Variants in FBXL17 observed in about 807,000 individuals in gnomAD.
The protein encoded by FBXL17 is F-box/LRR-repeat protein 17.
FBXL17 carries 22 observed loss-of-function variants against 66.2 expected under a neutral mutation model. That is an observed-to-expected ratio of 0.33 (90% confidence interval 0.24 to 0.47). The LOEUF is 0.47. Among genes scored for constraint, FBXL17 ranks in the 20% least tolerant of loss-of-function variants. The pLI, the probability that FBXL17 is intolerant of heterozygous loss-of-function variation, is 1.00. For synonymous variants in FBXL17, 474 were observed against 400.5 expected, an observed-to-expected ratio of 1.18 and a Z score of -2.19; for missense variants, 878 against 948.2, an observed-to-expected ratio of 0.93 and a Z score of 0.97.
At chr5:108,109,579 T>A (rs1457244601) in intron 6 of FBXL17, among the ~76,000 whole-genome samples, 1 of 152,326 alleles carries the variant, frequency 6.6e-6, no homozygotes, top group East Asian at 1.9e-4. Flanking sequence ...ACATAAAACT[T>A]ATATTTAAAT....
intron 6 of FBXL17, among the ~76,000 whole-genome samples, chr5:108,048,503 C>T (rs1449630329): frequency 6.6e-6 from 1 of 152,146 alleles, no homozygotes; most frequent in Admixed American, 6.5e-5. Flanking sequence ...TAATAAAAAA[C>T]TCTGCTGAGC....
At chr5:108,263,843 A>G (rs1020685533) in intron 4 of FBXL17, among the ~76,000 whole-genome samples, 1 of 152,166 alleles carries the variant, frequency 6.6e-6, no homozygotes, top group African/African-American at 2.4e-5. Flanking sequence ...GAAAGAGAAA[A>G]TTATCCTTAT....
chr5:107,973,342 T>G (rs1752447374), intron 7 of FBXL17, among the ~76,000 whole-genome samples: 1 of 150,806 alleles, frequency 6.6e-6, no homozygotes, highest in Middle Eastern at 3.2e-3. Context: ...TTAAACATGA[T>G]TTTTTTTTGT....
At chr5:108,154,122 C>A (rs900703337) in intron 6 of FBXL17, among the ~76,000 whole-genome samples, 5 of 151,926 alleles carry the variant, frequency 3.3e-5, no homozygotes, top group Non-Finnish European at 5.9e-5. Context: ...TGTGTTCCAC[C>A]TTCCATCAAA....
At chr5:108,092,984 G>C (rs1749240346) in intron 6 of FBXL17, among the ~76,000 whole-genome samples, 1 of 152,100 alleles carries the variant, frequency 6.6e-6, no homozygotes, top group Non-Finnish European at 1.5e-5. Flanking sequence ...TGGCAATAGA[G>C]AGGGAGAATA....
chr5:108,091,151 C>A (rs1749173978), intron 6 of FBXL17, among the ~76,000 whole-genome samples: 1 of 152,126 alleles, frequency 6.6e-6, no homozygotes, highest in African/African-American at 2.4e-5. Context: ...CTGTGTGAAT[C>A]AAAATTCTTC....
chr5:108,162,421 A>T (rs745754593), intron 6 of FBXL17, among the ~76,000 whole-genome samples: 5 of 152,156 alleles, frequency 3.3e-5, no homozygotes, highest in African/African-American at 1.2e-4. Context: ...GCTTGAGCCC[A>T]CAAGTTCAAG....
chr5:108,102,939 T>A (rs747532292), intron 6 of FBXL17, among the ~76,000 whole-genome samples: 14 of 152,180 alleles, frequency 9.2e-5, no homozygotes, highest in Non-Finnish European at 1.8e-4. Flanking sequence ...TAAAGCATAG[T>A]TGACAAACTA....
At chr5:108,061,948 A>G (rs1747941844) in intron 6 of FBXL17, among the ~76,000 whole-genome samples, 1 of 151,916 alleles carries the variant, frequency 6.6e-6, no homozygotes, top group South Asian at 2.1e-4. Context: ...GAAAGCCCGC[A>G]TACATAAGTG....
intron 5 of FBXL17, among the ~76,000 whole-genome samples, chr5:108,219,530 A>G (rs1010646157): frequency 2.0e-4 from 31 of 152,046 alleles, no homozygotes; most frequent in African/African-American, 6.8e-4. Flanking sequence ...TATTAAAAAT[A>G]CAAAAAATTA....
intron 7 of FBXL17, among the ~76,000 whole-genome samples, chr5:107,898,720 G>A (rs906926819): frequency 6.6e-6 from 1 of 152,066 alleles, no homozygotes; most frequent in Non-Finnish European, 1.5e-5. Context: ...AACATGTGGT[G>A]TTTGCTTTTC....
intron 4 of FBXL17, among the ~76,000 whole-genome samples, chr5:108,286,381 T>C (rs935723368): frequency 6.6e-6 from 1 of 151,970 alleles, no homozygotes; most frequent in African/African-American, 2.4e-5. Flanking sequence ...TAATTCTATA[T>C]CTAGAAAACC....
chr5:108,075,251 C>T (rs893890802), intron 6 of FBXL17, among the ~76,000 whole-genome samples: 1 of 152,096 alleles, frequency 6.6e-6, no homozygotes, highest in Admixed American at 6.5e-5. Flanking sequence ...GGTCTTCTTA[C>T]AAAACCCTAT....
In FBXL17 at chr5:108,091,987, C is replaced by T. The variant is rs1041870223; in HGVS notation, c.1746-70986G>A. Among the ~76,000 whole-genome samples, 6 of 152,142 alleles carry T rather than the reference C, an allele frequency of 3.9e-5. No homozygotes were observed. The East Asian group carries it at 1.2e-3, about 29-fold the overall frequency. ...CTTTGTTAATTTAGGTGTTATACAC[C>T]TTTGCCTGGTAAACACAATATCTTT... is the stretch of plus-strand genomic sequence containing the variant. On this transcript the variant is annotated intron_variant, in intron 6 of 8. Transcript: ENST00000542267.
intron 7 of FBXL17, among the ~76,000 whole-genome samples, chr5:107,974,302 G>C (rs1450515511): frequency 6.6e-6 from 1 of 151,990 alleles, no homozygotes; most frequent in Admixed American, 6.6e-5. Flanking sequence ...GAAAACACTA[G>C]TAAAAAATAA....
intron 4 of FBXL17, among the ~76,000 whole-genome samples, chr5:108,289,586 T>C (rs1044213298): frequency 2.0e-5 from 3 of 152,062 alleles, no homozygotes; most frequent in Non-Finnish European, 4.4e-5. Flanking sequence ...GCAAAATGCA[T>C]GGTGTCTATG....
At chr5:107,876,075 C>T (rs564514138) in intron 8 of FBXL17, among the ~76,000 whole-genome samples, 8 of 152,290 alleles carry the variant, frequency 5.3e-5, no homozygotes, top group South Asian at 2.1e-4. Context: ...CCTTAAGTAA[C>T]GTGGCCCTCA....
At chr5:108,303,620 T>G (rs375479205) in intron 4 of FBXL17, among the ~76,000 whole-genome samples, 43 of 152,104 alleles carry the variant, frequency 2.8e-4, no homozygotes, top group East Asian at 2.3e-3. Context: ...AACAAAGTTT[T>G]AAAGTGGAAG....
chr5:107,920,372 T>G (rs1018622084), intron 7 of FBXL17, among the ~76,000 whole-genome samples: 1 of 152,130 alleles, frequency 6.6e-6, no homozygotes, highest in African/African-American at 2.4e-5. Context: ...GCCTGACTAA[T>G]TTTTGTATTT....
Sources: gnomAD v4.1 joint callset for allele counts (sites outside exome capture counted in the v4.1 genomes callset) on GRCh38, gnomAD v4.1.1 for gene constraint, MANE v1.5 for transcripts, NCBI Gene and HGNC (gene_info 2026-07-23, HGNC 2026-07-21) for gene names.